The following MGA variants were observed in gnomAD, a reference collection of about 807,000 sequenced individuals.
MGA encodes MAX gene-associated protein.
A neutral mutation model predicts 261.1 loss-of-function variants in MGA; 40 were observed. The observed-to-expected ratio is 0.15, with a 90% CI of 0.12 to 0.20. The LOEUF (loss-of-function observed/expected upper bound fraction) is 0.20. MGA is among the 10% of genes least tolerant of loss of function. The pLI is 1.00. For synonymous variants in MGA, 1,302 were observed against 1,290.6 expected (o/e 1.01, Z -0.19); for missense variants, 3,397 against 3,630.5 (o/e 0.94, Z 1.65).
At chr15:41,694,416 T>G (rs900288357) in intron 2 of MGA, among the ~76,000 whole-genome samples, 1 of 152,114 alleles carries the variant, frequency 6.6e-6, no homozygotes, top group Admixed American at 6.5e-5. Flanking sequence ...AAAAAGTGAC[T>G]GATCAGAAGA....
chr15:41,734,752 T>C (rs913981718), intron 12 of MGA, among the ~76,000 whole-genome samples, 158 bp downstream of exon 12: 2 of 152,204 alleles, frequency 1.3e-5, no homozygotes, highest in East Asian at 1.9e-4. Flanking sequence ...AAGTTTTTTT[T>C]CCCCATTATT....
Position 41,760,469 on chromosome 15 carries a change from A to G in MGA, c.7338A>G (p.Leu2446=). The stretch of plus-strand genomic sequence containing the variant: ...AAATGAGGGATCTCTTTGAGAAATT[A>G]AAGATCACATTGGGATTACTTCATT... The change falls in exon 20 of 24, where the codon TTA becomes TTG. Residue 2446 remains leucine (L), a synonymous_variant. Coordinates refer to ENST00000219905, the MANE Select transcript of MGA (RefSeq NM_001164273.2). 1 of 1,614,018 alleles carries G rather than the reference A, an allele frequency of 6.2e-7. No homozygotes were observed. Among genetic ancestry groups the G allele is most frequent in the Non-Finnish European group, 8.5e-7 (1 of 1,179,900 alleles).
chr15:41,727,116 G>A, intron 9 of MGA, 64 bp from the exon 10 acceptor site: 1 of 1,297,882 alleles, frequency 7.7e-7, no homozygotes, highest in Non-Finnish European at 1.0e-6. Context: ...TGTTTTGGCA[G>A]TGCCTCAGTA....
chr15:41,716,709 A>G, intron 9 of MGA, among the ~76,000 whole-genome samples: 1 of 152,198 alleles, frequency 6.6e-6, no homozygotes, highest in East Asian at 1.9e-4. Context: ...GAGTGTAACC[A>G]CTAAAAATAA....
chr15:41,660,394 G>C (rs1393923311), upstream of MGA: 2 of 152,642 alleles, frequency 1.3e-5, no homozygotes, highest in Non-Finnish European at 2.9e-5. Flanking sequence ...CGCGTGCGCG[G>C]TGACGTGGAC....
intron 1 of MGA, among the ~76,000 whole-genome samples, chr15:41,643,914 C>G (rs941144725): frequency 7.3e-5 from 11 of 151,356 alleles, no homozygotes; most frequent in Non-Finnish European, 1.3e-4. Context: ...GGTTGTGACT[C>G]TTTCTCATTT....
intron 13 of MGA, among the ~76,000 whole-genome samples, chr15:41,738,276 G>GT (rs1214482015): frequency 2.0e-5 from 3 of 151,728 alleles, no homozygotes; most frequent in African/African-American, 7.3e-5. Context: ...GCGTGTGCCT[G>GT]TAATCCCAGC....
chr15:41,653,331 T>C (rs1259828525), intron 1 of MGA, among the ~76,000 whole-genome samples: 1 of 151,146 alleles, frequency 6.6e-6, no homozygotes. Context: ...ATCATGCCAT[T>C]GCACTCCAGC....
In MGA at chr15:41,757,169, G is replaced by T. The variant is rs1052232110; in HGVS notation, c.7140-619G>T. Among the ~76,000 whole-genome samples the T allele has an allele frequency of 2.0e-5, 3 of 152,154 alleles. No homozygotes were observed. In the East Asian group the frequency reaches 5.8e-4, roughly 29 times the overall value. ...ATATGTGGGTGTTCATTATACGCTT[G>T]GTCCTCCTTCACGGATGGGAAGACC... On this transcript the variant is annotated intron_variant, in intron 18 of 23. Coordinates refer to ENST00000219905, the MANE Select transcript of MGA (RefSeq NM_001164273.2).
At chr15:41,719,566 C>T (rs1221305645) in intron 9 of MGA, among the ~76,000 whole-genome samples, 1 of 152,072 alleles carries the variant, frequency 6.6e-6, no homozygotes, top group Admixed American at 6.6e-5. Context: ...CATGGCGAAA[C>T]CCTGTCTCTA....
intron 2 of MGA, among the ~76,000 whole-genome samples, chr15:41,671,621 G>A (rs1324285965): frequency 2.0e-5 from 3 of 152,070 alleles, no homozygotes; most frequent in Non-Finnish European, 4.4e-5. Flanking sequence ...GAGCCACCGC[G>A]CCCGGCCTGA....
At chr15:41,765,863 T>G in intron 23 of MGA, 141 bp from the exon 24 acceptor site, 2 of 658,296 alleles carry the variant, frequency 3.0e-6, no homozygotes, top group Non-Finnish European at 4.9e-6. Context: ...GAACTGATAT[T>G]TCTTTCATCT....
chr15:41,743,460 T>G (rs2062232324), intron 15 of MGA, among the ~76,000 whole-genome samples: 1 of 152,248 alleles, frequency 6.6e-6, no homozygotes, highest in Non-Finnish European at 1.5e-5. Context: ...TGAACAATCT[T>G]GACTGATAGT....
intron 2 of MGA, among the ~76,000 whole-genome samples, chr15:41,682,982 G>T (rs12917387): frequency 6.6e-6 from 1 of 151,898 alleles, no homozygotes; most frequent in Non-Finnish European, 1.5e-5. Context: ...TTCTTCTTAC[G>T]TGTTGGGAAT....
At chr15:41,722,809 A>G (rs144834282) in intron 9 of MGA, among the ~76,000 whole-genome samples, 2,283 of 152,294 alleles carry the variant, frequency 0.015, 43 homozygotes, top group South Asian at 0.069. Flanking sequence ...ACTACTATGG[A>G]CACTGCTAGG....
intron 1 of MGA, among the ~76,000 whole-genome samples, chr15:41,654,257 T>G (rs2057122721): frequency 6.6e-6 from 1 of 152,208 alleles, no homozygotes; most frequent in Admixed American, 6.5e-5. Context: ...AAAGTTGTTT[T>G]CAGTGGTATA....
At chr15:41,691,829 C>T (rs2059304854) in intron 2 of MGA, among the ~76,000 whole-genome samples, 1 of 151,960 alleles carries the variant, frequency 6.6e-6, no homozygotes, top group Non-Finnish European at 1.5e-5. Flanking sequence ...CTGTTTTTCC[C>T]TCTGCTGCTT....
intron 3 of MGA, among the ~76,000 whole-genome samples, chr15:41,697,531 C>G (rs1430154935): frequency 6.6e-6 from 1 of 151,834 alleles, no homozygotes; most frequent in African/African-American, 2.4e-5. Flanking sequence ...ATTCTCGTGC[C>G]CCAGCCTCAC....
chr15:41,761,719 T>TA lies in MGA; in HGVS notation c.7399-19dup. ...GAAAGAGTGGATCAATTTTCAATAATACCACTATTTGTATTCTAGGCCTTC... is the reference window on the plus strand; with the variant it reads ...GAAAGAGTGGATCAATTTTCAATAATAACCACTATTTGTATTCTAGGCCTTC... On this transcript the variant is annotated intron_variant, in intron 20 of 23. Coordinates refer to ENST00000219905, the MANE Select transcript of MGA (RefSeq NM_001164273.2). 1 of 1,449,340 alleles carries TA rather than the reference T, an allele frequency of 6.9e-7. No homozygotes were observed. The highest frequency in any genetic ancestry group is 1.4e-5 in the African/African-American group (1 of 71,340). The allele number at this position is 1,449,340 out of a possible 1,614,324, so 89.8% of individuals were successfully genotyped here. A position where few individuals can be genotyped will look rare whatever the true frequency, so the allele number is the denominator to read the frequency against.
Sources: gnomAD v4.1 joint callset for allele counts (sites outside exome capture counted in the v4.1 genomes callset) on GRCh38, gnomAD v4.1.1 for gene constraint, MANE v1.5 for transcripts, NCBI Gene and HGNC (gene_info 2026-07-23, HGNC 2026-07-21) for gene names.